Variants in RBFOX3 observed in about 807,000 individuals in gnomAD.
The protein encoded by RBFOX3 is RNA binding protein fox-1 homolog 3.
Under a neutral mutation model 48.7 loss-of-function variants are expected in RBFOX3, and 17 were observed. The observed-to-expected ratio is 0.35, with a 90% CI of 0.24 to 0.52. The LOEUF is 0.52. Ranked by LOEUF, RBFOX3 falls within the 20% of genes least tolerant of loss-of-function variation. The pLI, the probability that RBFOX3 is intolerant of heterozygous loss-of-function variation, is 0.94. For synonymous variants in RBFOX3, 212 were observed against 209.5 expected, an observed-to-expected ratio of 1.01 and a Z score of -0.10; for missense variants, 382 against 497.5, an observed-to-expected ratio of 0.77 and a Z score of 2.21.
At position 79,587,649 on chromosome 17, in the gene RBFOX3, G is replaced by A. The variant is rs979140824; in HGVS notation, c.-320+23177C>T. Reference sequence around the variant, plus strand: ...GCGAGGTCCCCCCACGGAGCAGCAGGCTGGCCAGAAAGCTTCAGACCACAA... The same window carrying A: ...GCGAGGTCCCCCCACGGAGCAGCAGACTGGCCAGAAAGCTTCAGACCACAA... On this transcript the variant is annotated intron_variant, in intron 1 of 14. Coordinates refer to ENST00000693108, the MANE Select transcript of RBFOX3 (RefSeq NM_001350451.2). Among the ~76,000 whole-genome samples, 369 of 152,314 alleles carry A rather than the reference G, an allele frequency of 2.4e-3. 1 individual carries two copies. The highest frequency in any genetic ancestry group is 8.5e-3 in the African/African-American group (352 of 41,558).
intron 5 of RBFOX3, among the ~76,000 whole-genome samples, chr17:79,109,926 G>A (rs1176266207): frequency 1.3e-5 from 2 of 152,188 alleles, no homozygotes; most frequent in East Asian, 3.9e-4. Flanking sequence ...AGGTGAGGAA[G>A]AAGCCATTCT....
intron 2 of RBFOX3, among the ~76,000 whole-genome samples, chr17:79,385,006 G>C (rs553406134): frequency 6.6e-6 from 1 of 152,382 alleles, no homozygotes; most frequent in South Asian, 2.1e-4. Flanking sequence ...TGCCCTTCCA[G>C]GGCCTGGTTC....
chr17:79,194,537 C>A (rs1232373802), intron 4 of RBFOX3, among the ~76,000 whole-genome samples: 1 of 151,822 alleles, frequency 6.6e-6, no homozygotes, highest in Non-Finnish European at 1.5e-5. Flanking sequence ...ACCTGGGAGG[C>A]GGAGGTTGCA....
At chr17:79,113,188 A>T (rs571855735) in intron 5 of RBFOX3, among the ~76,000 whole-genome samples, 77 of 152,138 alleles carry the variant, frequency 5.1e-4, no homozygotes, top group Middle Eastern at 6.8e-3. Flanking sequence ...GCCAGCAGGG[A>T]GGCGTTCGGC....
chr17:79,419,945 G>A (rs577724953), intron 2 of RBFOX3, among the ~76,000 whole-genome samples: 1 of 152,114 alleles, frequency 6.6e-6, no homozygotes, highest in Admixed American at 6.5e-5. Context: ...TGGGCAACAC[G>A]GTGAAACCTC....
intron 2 of RBFOX3, among the ~76,000 whole-genome samples, chr17:79,458,747 T>C (rs1262404994): frequency 6.6e-6 from 1 of 152,058 alleles, no homozygotes; most frequent in Non-Finnish European, 1.5e-5. Context: ...GTCCGGGGAC[T>C]CTGGGTGGCA....
At chr17:79,478,015 A>G (rs1421757023) in intron 2 of RBFOX3, among the ~76,000 whole-genome samples, 1 of 152,172 alleles carries the variant, frequency 6.6e-6, no homozygotes, top group Non-Finnish European at 1.5e-5. Context: ...GCAACGTCCC[A>G]TCCGCTTCTG....
chr17:79,397,275 G>T (rs2008556), intron 2 of RBFOX3, among the ~76,000 whole-genome samples: 21,737 of 151,982 alleles, frequency 0.14, 1,486 homozygotes, highest in Middle Eastern at 0.2. Context: ...GAGGTCAAGA[G>T]ATCGAAACCA....
the RBFOX3 span, among the ~76,000 whole-genome samples, chr17:79,627,466 C>G: frequency 2.7e-4 from 41 of 152,304 alleles, 1 homozygote; most frequent in Admixed American, 2.5e-3. Flanking sequence ...GACCAGGGCT[C>G]GGCTTTCTCC....
chr17:79,566,103 G>C (rs982405836), intron 1 of RBFOX3, among the ~76,000 whole-genome samples: 1 of 151,932 alleles, frequency 6.6e-6, no homozygotes, highest in African/African-American at 2.4e-5. Context: ...TGCCACCTGC[G>C]CCCCATCCGA....
intron 1 of RBFOX3, among the ~76,000 whole-genome samples, chr17:79,578,575 C>T (rs1187345791): frequency 3.3e-5 from 5 of 152,370 alleles, no homozygotes; most frequent in East Asian, 3.9e-4. Context: ...AGACCCGCTC[C>T]GGGCCAGGGA....
rs559018368 is a variant in RBFOX3 at position 79,103,558 on chromosome 17, A to G, written c.415-304T>C. Among the ~76,000 whole-genome samples, 5 of 152,272 alleles carry G rather than the reference A, an allele frequency of 3.3e-5. No individual in the cohort carries two copies. In the South Asian group the frequency reaches 8.3e-4, roughly 25 times the overall value. On this transcript the variant is annotated intron_variant, in intron 7 of 14. Transcript: ENST00000693108. This position sits in a 1 kb window ranked among gnomAD's most constrained non-coding sequence, Gnocchi z 6.1. Reference sequence around the variant, plus strand: ...AGGCCAAAGCCACATAAGAGACGCCATACCTGACCACAGGCCAGGCCTGCC... The same window carrying G: ...AGGCCAAAGCCACATAAGAGACGCCGTACCTGACCACAGGCCAGGCCTGCC...
At chr17:79,302,363 G>A (rs2075442643) in intron 3 of RBFOX3, among the ~76,000 whole-genome samples, 1 of 152,186 alleles carries the variant, frequency 6.6e-6, no homozygotes, top group Non-Finnish European at 1.5e-5. Flanking sequence ...AAATGTTTCT[G>A]GTTCCTGGCA....
At chr17:79,654,302 C>G in the RBFOX3 span, among the ~76,000 whole-genome samples, 1 of 152,274 alleles carries the variant, frequency 6.6e-6, no homozygotes, top group Non-Finnish European at 1.5e-5. Context: ...TCTAGACTAC[C>G]CTCCAAAGAA....
chr17:79,264,374 C>CT (rs34109756), intron 3 of RBFOX3, among the ~76,000 whole-genome samples: 2,087 of 147,386 alleles, frequency 0.014, 21 homozygotes, highest in African/African-American at 0.024. Context: ...CCAAGCCTGG[C>CT]TTTTTTTTTT....
intron 2 of RBFOX3, among the ~76,000 whole-genome samples, chr17:79,385,719 G>A (rs1006198698): frequency 1.3e-5 from 2 of 152,134 alleles, no homozygotes; most frequent in African/African-American, 4.8e-5. Context: ...TCCCATAACA[G>A]AAGGAGGCTC....
chr17:79,270,805 C>G (rs2067530826), intron 3 of RBFOX3, among the ~76,000 whole-genome samples: 2 of 152,248 alleles, frequency 1.3e-5, no homozygotes, highest in Admixed American at 1.3e-4. Context: ...CAGGCTTTGC[C>G]CACTGGCATG....
intron 3 of RBFOX3, among the ~76,000 whole-genome samples, chr17:79,237,279 C>T (rs1217943648): frequency 6.6e-6 from 1 of 152,226 alleles, no homozygotes; most frequent in Admixed American, 6.5e-5. Flanking sequence ...TCTTCATCCA[C>T]ATCACTGTAA....
At chr17:79,635,840 T>C in the RBFOX3 span, among the ~76,000 whole-genome samples, 1 of 152,184 alleles carries the variant, frequency 6.6e-6, no homozygotes, top group Non-Finnish European at 1.5e-5. Flanking sequence ...TCATTCATCA[T>C]TAAAGAAATT....
Sources: gnomAD v4.1 joint callset for allele counts (sites outside exome capture counted in the v4.1 genomes callset) on GRCh38, gnomAD v4.1.1 for gene constraint, Gnocchi (gnomAD v3.1) non-coding constraint, MANE v1.5 for transcripts, NCBI Gene and HGNC (gene_info 2026-07-23, HGNC 2026-07-21) for gene names.